The following SGCZ variants were observed in gnomAD, a reference collection of about 807,000 sequenced individuals.
The protein encoded by SGCZ is sarcoglycan zeta.
In SGCZ, 40 loss-of-function variants were observed where a neutral mutation model predicts 41.3. That is an observed-to-expected ratio of 0.97 (90% CI 0.75 to 1.26). SGCZ has a LOEUF of 1.26. SGCZ is among the 50% of genes most tolerant of loss of function. The pLI, the probability that SGCZ is intolerant of heterozygous loss-of-function variation, is 0.00. For missense variants in SGCZ, 552 were observed against 369.8 expected (o/e 1.49, Z -4.04); for synonymous variants, 206 against 137.5 (o/e 1.50, Z -3.49).
chr8:14,124,685 A>G (rs1802799951), intron 5 of SGCZ, among the ~76,000 whole-genome samples: 1 of 152,182 alleles, frequency 6.6e-6, no homozygotes, highest in South Asian at 2.1e-4. Flanking sequence ...CTCCAGGAGG[A>G]ATTGTGATTT....
At chr8:14,583,687 C>T (rs1422257645) in intron 1 of SGCZ, among the ~76,000 whole-genome samples, 4 of 152,056 alleles carry the variant, frequency 2.6e-5, no homozygotes, top group Admixed American at 2.0e-4. Context: ...CTTAAAAATT[C>T]GAGTAGAGAT....
intron 1 of SGCZ, among the ~76,000 whole-genome samples, chr8:15,172,557 A>G (rs907721367): frequency 1.3e-5 from 2 of 152,190 alleles, no homozygotes; most frequent in Non-Finnish European, 2.9e-5. Context: ...CAGAATATTT[A>G]TAAAAAATTA....
Position 14,791,671 on chromosome 8 carries a change from G to A in SGCZ, c.40-236745C>T, listed in dbSNP as rs375724580. Among the ~76,000 whole-genome samples the A allele has an allele frequency of 4.4e-3, 677 of 152,278 alleles. 1 individual carries two copies. The highest frequency in any genetic ancestry group is 9.7e-3 in the South Asian group (47 of 4,822). On this transcript the variant is annotated intron_variant, in intron 1 of 7. Coordinates refer to ENST00000382080, the MANE Select transcript of SGCZ (RefSeq NM_139167.4). ...GTTTAAATAAAGCTACACACAAGTG[G>A]CAGCCTCTGCTGTTCACAGCAACCC...
chr8:14,335,832 C>T (rs140845225), intron 2 of SGCZ, among the ~76,000 whole-genome samples: 1 of 152,236 alleles, frequency 6.6e-6, no homozygotes, highest in East Asian at 1.9e-4. Flanking sequence ...TGTCATTATA[C>T]CTGCATCAGG....
At chr8:14,424,962 G>C (rs888892624) in intron 2 of SGCZ, among the ~76,000 whole-genome samples, 4 of 152,128 alleles carry the variant, frequency 2.6e-5, no homozygotes, top group Admixed American at 2.6e-4. Context: ...ATATTTATCA[G>C]GGTAATTGAG....
intron 2 of SGCZ, among the ~76,000 whole-genome samples, chr8:14,415,831 C>A (rs946414365): frequency 1.3e-5 from 2 of 151,916 alleles, no homozygotes; most frequent in Middle Eastern, 3.2e-3. Context: ...ATGATCAGTG[C>A]ATTGAATACA....
intron 2 of SGCZ, among the ~76,000 whole-genome samples, chr8:14,431,794 A>G (rs549152818): frequency 2.0e-4 from 31 of 152,268 alleles, no homozygotes; most frequent in African/African-American, 7.2e-4. Context: ...CTGACAATGG[A>G]CTAATATCCA....
At chr8:14,782,950 T>C (rs1238205744) in intron 1 of SGCZ, among the ~76,000 whole-genome samples, 1 of 152,166 alleles carries the variant, frequency 6.6e-6, no homozygotes, top group African/African-American at 2.4e-5. Context: ...TGGATACATA[T>C]AATGCAGGCA....
intron 1 of SGCZ, among the ~76,000 whole-genome samples, chr8:14,746,208 A>C (rs1434065402): frequency 1.3e-5 from 2 of 152,142 alleles, no homozygotes; most frequent in African/African-American, 2.4e-5. Flanking sequence ...AAAAAATGGG[A>C]ACTGAATGTC....
At chr8:14,821,279 A>G (rs1057277164) in intron 1 of SGCZ, among the ~76,000 whole-genome samples, 7 of 152,008 alleles carry the variant, frequency 4.6e-5, no homozygotes, top group Admixed American at 3.3e-4. Flanking sequence ...GAGGAAATAG[A>G]AAAACTGAAC....
At chr8:14,227,151 C>T (rs1806400922) in intron 4 of SGCZ, among the ~76,000 whole-genome samples, 1 of 152,094 alleles carries the variant, frequency 6.6e-6, no homozygotes, top group Non-Finnish European at 1.5e-5. Flanking sequence ...AGCACATTTT[C>T]TTAGTCTGCA....
At chr8:15,113,908 C>T (rs1807164830) in intron 1 of SGCZ, among the ~76,000 whole-genome samples, 1 of 152,206 alleles carries the variant, frequency 6.6e-6, no homozygotes, top group African/African-American at 2.4e-5. Flanking sequence ...AGAAAGCACA[C>T]TGCTCCATCT....
At chr8:14,926,618 G>C (rs966731265) in intron 1 of SGCZ, among the ~76,000 whole-genome samples, 6 of 151,230 alleles carry the variant, frequency 4.0e-5, no homozygotes, top group African/African-American at 1.5e-4. Flanking sequence ...TTTTTTGTTT[G>C]TTTGTTTTGT....
chr8:14,976,442 C>G (rs961117284), intron 1 of SGCZ, among the ~76,000 whole-genome samples: 7 of 152,122 alleles, frequency 4.6e-5, no homozygotes, highest in Admixed American at 1.3e-4. Context: ...ATATTACTAT[C>G]TTTAGTTATC....
Position 14,086,245 on chromosome 8 carries a change from T to C in SGCZ, c.*4198A>G, listed in dbSNP as rs1339316027. Among the ~76,000 whole-genome samples the C allele has an allele frequency of 1.3e-5, 2 of 151,714 alleles. No homozygotes were observed. The highest frequency in any genetic ancestry group is 3.0e-5 in the Non-Finnish European group (2 of 67,750). ...GAGGATTTTATAGAAAATTTGGCTATTAAATACTTTCAATGATTTTAATAA... is the reference window on the plus strand; with the variant it reads ...GAGGATTTTATAGAAAATTTGGCTACTAAATACTTTCAATGATTTTAATAA... On this transcript the variant is annotated 3_prime_UTR_variant, in exon 8 of 8. Coordinates refer to ENST00000382080, the MANE Select transcript of SGCZ (RefSeq NM_139167.4).
At chr8:14,252,996 G>A (rs1448140934) in intron 3 of SGCZ, among the ~76,000 whole-genome samples, 2 of 152,078 alleles carry the variant, frequency 1.3e-5, no homozygotes, top group African/African-American at 4.8e-5. Flanking sequence ...TACAGCCTGT[G>A]AATTTACTGG....
chr8:14,551,648 T>C (rs1235173087), intron 2 of SGCZ, among the ~76,000 whole-genome samples: 45 of 59,030 alleles, frequency 7.6e-4, no homozygotes, highest in Non-Finnish European at 1.3e-3. Flanking sequence ...ATATATAAAA[T>C]ATATATATGA....
At chr8:15,005,092 T>G (rs983639716) in intron 1 of SGCZ, among the ~76,000 whole-genome samples, 3 of 152,138 alleles carry the variant, frequency 2.0e-5, no homozygotes, top group African/African-American at 7.2e-5. Context: ...AGAGGCTTCC[T>G]AAGGGAAAGG....
At chr8:14,677,489 G>A (rs542165815) in intron 1 of SGCZ, among the ~76,000 whole-genome samples, 1 of 152,154 alleles carries the variant, frequency 6.6e-6, no homozygotes, top group African/African-American at 2.4e-5. Flanking sequence ...GATTCTATAT[G>A]GGCCGGGCGG....
Sources: allele counts gnomAD v4.1 joint callset (sites outside exome capture counted in the v4.1 genomes callset), GRCh38; gene constraint gnomAD v4.1.1; transcripts MANE v1.5; gene names NCBI Gene and HGNC (gene_info 2026-07-23, HGNC 2026-07-21).